Variants in RASAL2 observed in about 807,000 individuals in gnomAD.
The protein encoded by RASAL2 is RAS protein activator like 2.
Under a neutral mutation model 128.9 loss-of-function variants are expected in RASAL2, and 58 were observed. That is an observed-to-expected ratio of 0.45 (90% CI 0.36 to 0.56). The LOEUF is 0.56. RASAL2 is among the 20% of genes least tolerant of loss of function. The probability of loss-of-function intolerance (pLI) is 0.00; values close to 1 mark genes in which losing one functional copy is unlikely to be tolerated. For missense variants in RASAL2, 1,360 were observed against 1,601.6 expected (o/e 0.85, Z 2.57); for synonymous variants, 561 against 580.8 (o/e 0.97, Z 0.49).
intron 1 of RASAL2, among the ~76,000 whole-genome samples, chr1:178,222,540 ATC>A (rs1663648718): frequency 1.3e-5 from 2 of 152,046 alleles, no homozygotes; most frequent in South Asian, 4.1e-4. Context: ...AATATTCCTA[ATC>A]TCTCTCTGGA....
At chr1:178,297,669 T>C (rs1667579778) in intron 2 of RASAL2, among the ~76,000 whole-genome samples, 1 of 151,786 alleles carries the variant, frequency 6.6e-6, no homozygotes, top group Non-Finnish European at 1.5e-5. Context: ...TATTATGTTC[T>C]TTGTATCCTG....
chr1:178,446,815 G>A (rs149484100), intron 9 of RASAL2, among the ~76,000 whole-genome samples: 12 of 152,280 alleles, frequency 7.9e-5, no homozygotes, highest in African/African-American at 2.2e-4. Context: ...CAAACTTTCT[G>A]TGTGAAATAC....
intron 1 of RASAL2, among the ~76,000 whole-genome samples, chr1:178,133,913 T>G (rs1412554244): frequency 3.3e-5 from 5 of 152,206 alleles, no homozygotes; most frequent in Non-Finnish European, 5.9e-5. Flanking sequence ...TTCTAATTAA[T>G]AGCTGCCTTG....
chr1:178,144,159 A>G (rs977980154), intron 1 of RASAL2, among the ~76,000 whole-genome samples: 7 of 152,160 alleles, frequency 4.6e-5, no homozygotes, highest in Non-Finnish European at 1.0e-4. Flanking sequence ...TGCTGAGCCC[A>G]GTGGACACTT....
intron 3 of RASAL2, among the ~76,000 whole-genome samples, chr1:178,317,883 T>G (rs1362115388): frequency 2.0e-5 from 3 of 150,612 alleles, no homozygotes; most frequent in African/African-American, 7.3e-5. Context: ...AATTGTGATG[T>G]TAGGGTGTCA....
chr1:178,192,217 C>A (rs1571609486), intron 1 of RASAL2, among the ~76,000 whole-genome samples: 1 of 152,128 alleles, frequency 6.6e-6, no homozygotes, highest in Non-Finnish European at 1.5e-5. Context: ...TTTCTTTTCC[C>A]TGTCCCTCCA....
intron 1 of RASAL2, among the ~76,000 whole-genome samples, chr1:178,263,549 C>T (rs192918935): frequency 6.6e-6 from 1 of 152,310 alleles, no homozygotes; most frequent in East Asian, 1.9e-4. Context: ...TCAGAGTTAA[C>T]ATTTACTGAG....
In RASAL2 at chr1:178,457,992, A is replaced by G; in HGVS notation, c.2700A>G (p.Ala900=). Residue 900 remains alanine, a synonymous_variant, in exon 14 of 18, where the codon GCA becomes GCG. Transcript: ENST00000367649. ...LRETQSTPQS[A]PQVRRPLHPA... is the part of the protein sequence containing the mutation. ...AAACCCAGAGCACTCCCCAAAGTGC[A>G]CCCCAAGTGAGAAGGCCCCTGCACC... is the stretch of plus-strand genomic sequence containing the variant. The G allele has an allele frequency of 6.2e-7, 1 of 1,614,110 alleles. No homozygotes were observed. Among genetic ancestry groups the G allele is most frequent in the South Asian group, 1.1e-5 (1 of 91,080 alleles).
chr1:178,388,609 G>A (rs1424413880), intron 3 of RASAL2, among the ~76,000 whole-genome samples: 1 of 152,116 alleles, frequency 6.6e-6, no homozygotes, highest in Non-Finnish European at 1.5e-5. Flanking sequence ...TGCCTTACCA[G>A]TCAAGATGTC....
At chr1:178,127,558 T>C (rs1347061906) in intron 1 of RASAL2, among the ~76,000 whole-genome samples, 1 of 152,162 alleles carries the variant, frequency 6.6e-6, no homozygotes, top group Non-Finnish European at 1.5e-5. Flanking sequence ...CCTGTCTTTT[T>C]TGAAACCCTG....
chr1:178,371,322 CCACACACACA>C (rs370972772), intron 3 of RASAL2, among the ~76,000 whole-genome samples: 465 of 124,468 alleles, frequency 3.7e-3, no homozygotes, highest in Non-Finnish European at 5.8e-3. Context: ...GCCTTCTTTC[CCACACACACA>C]CACACACACA....
rs549406300 is a variant in RASAL2 at position 178,183,839 on chromosome 1, T to C, written c.202+89145T>C. 7.9e-5 allele frequency among the ~76,000 whole-genome samples: 12 copies of C among 152,378 alleles called. No individual in the cohort carries two copies. The South Asian group carries it at 1.2e-3, about 16-fold the overall frequency. On this transcript the variant is annotated intron_variant, in intron 1 of 17. Transcript: ENST00000367649. ...TGTAAATACCTAGGAGCATGATTGC[T>C]GGATTATGTAGTAAGACTGTGTTTA...
At chr1:178,384,412 C>A (rs989512934) in intron 3 of RASAL2, among the ~76,000 whole-genome samples, 1 of 152,070 alleles carries the variant, frequency 6.6e-6, no homozygotes, top group Non-Finnish European at 1.5e-5. Context: ...TGCCACCATC[C>A]TCAGAGAGAG....
intron 1 of RASAL2, among the ~76,000 whole-genome samples, chr1:178,128,024 T>G (rs1051135666): frequency 7.2e-5 from 11 of 152,104 alleles, no homozygotes; most frequent in African/African-American, 1.9e-4. Flanking sequence ...CATTTGATTT[T>G]GTGGAACAAA....
At chr1:178,371,623 G>A (rs1008663031) in intron 3 of RASAL2, among the ~76,000 whole-genome samples, 4 of 152,066 alleles carry the variant, frequency 2.6e-5, no homozygotes, top group Non-Finnish European at 5.9e-5. Context: ...TTATCAACCT[G>A]CCTTTTCTTG....
chr1:178,328,191 T>A (rs1161370268), intron 3 of RASAL2, among the ~76,000 whole-genome samples: 2 of 152,250 alleles, frequency 1.3e-5, no homozygotes, highest in Non-Finnish European at 2.9e-5. Context: ...TATCACGTTT[T>A]TGGTGTACAG....
chr1:178,403,134 A>T (rs1015993843), intron 4 of RASAL2, among the ~76,000 whole-genome samples: 33 of 152,072 alleles, frequency 2.2e-4, no homozygotes, highest in Non-Finnish European at 2.6e-4. Context: ...AATAAAATTT[A>T]AAAAAAATCA....
At chr1:178,395,740 C>T (rs940077075) in intron 4 of RASAL2, among the ~76,000 whole-genome samples, 2 of 146,648 alleles carry the variant, frequency 1.4e-5, no homozygotes, top group African/African-American at 2.7e-5. Flanking sequence ...ATAATAGGAT[C>T]GCCCTCCAGT....
chr1:178,129,442 G>T (rs1017185401), intron 1 of RASAL2, among the ~76,000 whole-genome samples: 7 of 152,056 alleles, frequency 4.6e-5, no homozygotes, highest in Non-Finnish European at 1.0e-4. Context: ...AAATTGGGCT[G>T]TCTGTCTGCT....
Sources: gnomAD v4.1 joint callset for allele counts (sites outside exome capture counted in the v4.1 genomes callset) on GRCh38, gnomAD v4.1.1 for gene constraint, MANE v1.5 for transcripts, NCBI Gene and HGNC (gene_info 2026-07-23, HGNC 2026-07-21) for gene names.